The following DGKG variants were observed in gnomAD, a reference collection of about 807,000 sequenced individuals.
DGKG encodes diacylglycerol kinase gamma, also known as DAG kinase gamma.
A neutral mutation model predicts 105.3 loss-of-function variants in DGKG; 78 were observed. The observed-to-expected ratio is 0.74, with a 90% CI of 0.62 to 0.89. The LOEUF (loss-of-function observed/expected upper bound fraction) is 0.89. Among genes scored for constraint, DGKG ranks in the 40% least tolerant of loss-of-function variants. DGKG has a pLI of 0.00. For synonymous variants in DGKG, 346 were observed against 367.1 expected, an observed-to-expected ratio of 0.94 and a Z score of 0.66; for missense variants, 958 against 1,020.1, an observed-to-expected ratio of 0.94 and a Z score of 0.83.
At chr3:186,180,371 CAA>C (rs1378157012) in intron 22 of DGKG, among the ~76,000 whole-genome samples, 1 of 152,044 alleles carries the variant, frequency 6.6e-6, no homozygotes, top group Middle Eastern at 3.2e-3. Flanking sequence ...CGTAGGCCTG[CAA>C]ATGTTGAACG....
intron 19 of DGKG, among the ~76,000 whole-genome samples, chr3:186,251,324 T>G (rs929976060): frequency 3.3e-5 from 5 of 152,106 alleles, no homozygotes; most frequent in African/African-American, 1.2e-4. Flanking sequence ...GAAGGAAATC[T>G]GAGGGCTAAG....
chr3:186,331,440 T>C (rs1051010220), intron 1 of DGKG, among the ~76,000 whole-genome samples: 1 of 152,242 alleles, frequency 6.6e-6, no homozygotes, highest in Non-Finnish European at 1.5e-5. Context: ...TACTGGCATG[T>C]AGTCCTTAAA....
At chr3:186,150,505 C>T (rs1352256522) in intron 24 of DGKG, among the ~76,000 whole-genome samples, 3 of 152,160 alleles carry the variant, frequency 2.0e-5, no homozygotes, top group African/African-American at 7.2e-5. Flanking sequence ...ACCTCAGGGA[C>T]TCAATCGACC....
At chr3:186,239,651 T>G (rs1720580817) in intron 20 of DGKG, among the ~76,000 whole-genome samples, 1 of 152,192 alleles carries the variant, frequency 6.6e-6, no homozygotes, top group Non-Finnish European at 1.5e-5. Context: ...TCGGTGACCT[T>G]GTGAAATAGG....
intron 21 of DGKG, among the ~76,000 whole-genome samples, chr3:186,200,583 T>C (rs1156231436): frequency 6.6e-6 from 1 of 152,148 alleles, no homozygotes; most frequent in Non-Finnish European, 1.5e-5. Context: ...CCCTTCCAGT[T>C]CCAAAATTCC....
intron 1 of DGKG, among the ~76,000 whole-genome samples, chr3:186,326,783 CTGTTTGTATTTCA>C (rs1725365843): frequency 6.6e-6 from 1 of 152,168 alleles, no homozygotes; most frequent in Non-Finnish European, 1.5e-5. Flanking sequence ...CCATCAGTTT[CTGTTTGTATTTCA>C]TTTTAGGATG....
At chr3:186,168,898 A>G (rs945238720) in intron 22 of DGKG, among the ~76,000 whole-genome samples, 1 of 152,218 alleles carries the variant, frequency 6.6e-6, no homozygotes, top group Non-Finnish European at 1.5e-5. Flanking sequence ...CGGAATATGC[A>G]GTGTGCATAC....
At chr3:186,260,283 CAG>C (rs901413661) in intron 16 of DGKG, among the ~76,000 whole-genome samples, 154 bp downstream of exon 16, 89 of 151,746 alleles carry the variant, frequency 5.9e-4, no homozygotes, top group African/African-American at 2.2e-3. Flanking sequence ...CTCCAGGAGT[CAG>C]AGTCAGACGT....
chr3:186,182,979 A>T (rs1014274618), intron 22 of DGKG, among the ~76,000 whole-genome samples: 20 of 152,340 alleles, frequency 1.3e-4, no homozygotes, highest in African/African-American at 4.8e-4. Flanking sequence ...CAGTGTACTG[A>T]TGAGATAGAA....
chr3:186,183,713 T>C (rs1316086513), intron 22 of DGKG, among the ~76,000 whole-genome samples: 1 of 152,022 alleles, frequency 6.6e-6, no homozygotes, highest in Non-Finnish European at 1.5e-5. Flanking sequence ...CTTTCTTTTT[T>C]TTTTTCTTGA....
chr3:186,275,741 T>G, intron 9 of DGKG, 77 bp from the exon 10 acceptor site: 1 of 915,268 alleles, frequency 1.1e-6, no homozygotes, highest in South Asian at 1.7e-5. Context: ...CTCTTGCATG[T>G]TCTTCCTTTT....
rs370185489 is a variant in DGKG, at chr3:186,335,163, C to T, written c.-248-14456G>A. On this transcript the variant is annotated intron_variant, in intron 1 of 24. Transcript: ENST00000265022. ...CTCAGCTCACTGCAACCTTCGCCTC[C>T]TGGATTCAAGCGATTCTCCTGCCTC... 1.4e-3 allele frequency among the ~76,000 whole-genome samples: 213 copies of T among 152,284 alleles called. 3 individuals carry two copies. Among genetic ancestry groups the T allele is most frequent in the African/African-American group, 4.9e-3 (202 of 41,564 alleles).
chr3:186,255,645 G>A (rs1017531979), intron 17 of DGKG, among the ~76,000 whole-genome samples: 2 of 152,228 alleles, frequency 1.3e-5, no homozygotes, highest in Non-Finnish European at 2.9e-5. Flanking sequence ...CTGGAAGGGT[G>A]CGCAGCAGCT....
intron 3 of DGKG, among the ~76,000 whole-genome samples, chr3:186,302,713 G>C (rs1724039861): frequency 6.6e-6 from 1 of 151,674 alleles, no homozygotes; most frequent in African/African-American, 2.4e-5. Flanking sequence ...AATTAGGCAT[G>C]AGTCCGTATC....
intron 19 of DGKG, among the ~76,000 whole-genome samples, chr3:186,247,252 G>A (rs1221768270): frequency 6.6e-6 from 1 of 152,156 alleles, no homozygotes; most frequent in Non-Finnish European, 1.5e-5. Flanking sequence ...GAGAGGCCAG[G>A]AGACCCTGCC....
chr3:186,308,478 T>C (rs1488731260), intron 2 of DGKG, among the ~76,000 whole-genome samples: 1 of 152,154 alleles, frequency 6.6e-6, no homozygotes, highest in Non-Finnish European at 1.5e-5. Context: ...ACAGTGTTTT[T>C]TGTTGCCCAG....
chr3:186,336,256 T>C (rs1476028745), intron 1 of DGKG, among the ~76,000 whole-genome samples: 1 of 152,182 alleles, frequency 6.6e-6, no homozygotes, highest in Non-Finnish European at 1.5e-5. Flanking sequence ...CCAAGCGTAC[T>C]CCCTAATAAA....
chr3:186,360,354 T>C (rs967355933), intron 1 of DGKG, among the ~76,000 whole-genome samples: 7 of 151,950 alleles, frequency 4.6e-5, no homozygotes, highest in African/African-American at 1.5e-4. Flanking sequence ...CCCAGAAAAA[T>C]ACCTGTAGTA....
At chr3:186,319,296 A>G (rs760069992) in intron 2 of DGKG, among the ~76,000 whole-genome samples, 12 of 152,146 alleles carry the variant, frequency 7.9e-5, no homozygotes, top group Non-Finnish European at 1.3e-4. Flanking sequence ...GAGAACACTT[A>G]GTCCAACCCT....
Sources: gnomAD v4.1 joint callset for allele counts (sites outside exome capture counted in the v4.1 genomes callset) on GRCh38, gnomAD v4.1.1 for gene constraint, MANE v1.5 for transcripts, NCBI Gene and HGNC (gene_info 2026-07-23, HGNC 2026-07-21) for gene names.